ZNF70: variants seen among roughly 807,000 people sequenced by gnomAD.
The protein encoded by ZNF70 is zinc finger protein 70.
Under a neutral mutation model 37.7 loss-of-function variants are expected in ZNF70, and 18 were observed. The observed-to-expected ratio is 0.48, with a 90% CI of 0.33 to 0.71. The LOEUF (loss-of-function observed/expected upper bound fraction) is 0.71, where lower values mean the gene tolerates loss of function less well. Among genes scored for constraint, ZNF70 ranks in the 30% least tolerant of loss-of-function variants. The probability of loss-of-function intolerance (pLI) is 0.02; values close to 1 mark genes in which losing one functional copy is unlikely to be tolerated. For missense variants in ZNF70, 506 were observed against 568.6 expected, an observed-to-expected ratio of 0.89 and a Z score of 1.12; for synonymous variants, 219 against 220.1, an observed-to-expected ratio of 0.99 and a Z score of 0.05.
chr22:23,745,113 C>G lies in ZNF70; in HGVS notation c.28G>C (p.Gly10Arg), dbSNP rs554829890. 6.2e-7 allele frequency: 1 copy of G among 1,612,596 alleles called. No homozygotes were observed. Among genetic ancestry groups the G allele is most frequent in the Non-Finnish European group, 8.5e-7 (1 of 1,178,940 alleles). The change falls in exon 2 of 2, where the codon GGT becomes CGT. Residue 10 changes from glycine (G) to arginine (R), a missense_variant. Coordinates refer to ENST00000341976, the MANE Select transcript of ZNF70 (RefSeq NM_021916.4). ...CTGTTCTCAAATGCAAAGGTCTCAC[C>G]AAACTTTGTTGCTGGGGGAACCTCC... MEVPPATKFGETFAFENRLE... is the reference protein window; with the variant it reads MEVPPATKFRETFAFENRLE...
Position 23,739,533 on chromosome 22 carries a change from G to C in ZNF70, c.*4267C>G, listed in dbSNP as rs1325819916. ...GATCTCCTGACCTCATGATCTGCCC[G>C]TCTTGGCCTCCCAAAGTGCTGGGAT... is the stretch of plus-strand genomic sequence containing the variant. On this transcript the variant is annotated 3_prime_UTR_variant, in exon 2 of 2. Coordinates refer to ENST00000341976, the MANE Select transcript of ZNF70 (RefSeq NM_021916.4). The C allele has an allele frequency of 2.6e-5, 4 of 152,224 alleles. No individual in the cohort carries two copies. The highest frequency in any genetic ancestry group is 3.9e-4 in the East Asian group (2 of 5,176). The allele number at this position is 152,224 out of a possible 1,614,324, so 9.4% of individuals were successfully genotyped here. A position where few individuals can be genotyped will look rare whatever the true frequency, so the allele number is the denominator to read the frequency against.
At position 23,746,117 on chromosome 22, in the gene ZNF70, G is replaced by T. The variant is rs548278054; in HGVS notation, c.-79-898C>A. On this transcript the variant is annotated intron_variant, in intron 1 of 1. Transcript: ENST00000341976. ...GCCTCCAAACTAGCTGCTGACCTCC[G>T]GCTTCCTCCTCTCCCTCTGGTGCAT... Among the ~76,000 whole-genome samples the T allele has an allele frequency of 2.6e-5, 4 of 151,902 alleles. No individual in the cohort carries two copies. In the East Asian group the frequency reaches 7.7e-4, roughly 29 times the overall value.
chr22:23,746,178 A>G (rs1477380943), intron 1 of ZNF70, among the ~76,000 whole-genome samples: 2 of 149,276 alleles, frequency 1.3e-5, no homozygotes, highest in Non-Finnish European at 3.0e-5. Flanking sequence ...TATCCAAAAC[A>G]TAAGCCTGAT....
At chr22:23,747,213 G>A (rs1925159760) in intron 1 of ZNF70, among the ~76,000 whole-genome samples, 1 of 152,212 alleles carries the variant, frequency 6.6e-6, no homozygotes, top group South Asian at 2.1e-4. Flanking sequence ...ACAGGCACCA[G>A]TCTGTGGCCT....
chr22:23,744,910 T>C lies in ZNF70; in HGVS notation c.231A>G (p.Gln77=). 6.2e-7 allele frequency: 1 copy of C among 1,614,216 alleles called. No individual in the cohort carries two copies. Among genetic ancestry groups the C allele is most frequent in the Non-Finnish European group, 8.5e-7 (1 of 1,180,042 alleles). ...FSLCSSPVQH[Q]SIPPGTRPQD... Reference sequence around the variant, plus strand: ...GGGGTCTGGTTCCTGGGGGGATACTTTGATGCTGAACAGGGCTTGAGCACA... The same window carrying C: ...GGGGTCTGGTTCCTGGGGGGATACTCTGATGCTGAACAGGGCTTGAGCACA... The change falls in exon 2 of 2, where the codon CAA becomes CAG. Residue 77 remains glutamine (Q), a synonymous_variant. Transcript: ENST00000341976.
Position 23,744,931 on chromosome 22 carries a change from G to A in ZNF70, c.210C>T (p.Cys70=), listed in dbSNP as rs116245440. The part of the protein sequence containing the change: ...NDDYEGNFSL[C]SSPVQHQSIP... ...TACTTTGATGCTGAACAGGGCTTGA[G>A]CACAAACTGAAATTCCCCTCGTAAT... The change falls in exon 2 of 2, where the codon TGC becomes TGT. Residue 70 remains cysteine, a synonymous_variant. Transcript: ENST00000341976. 2,232 of 1,614,160 alleles carry A rather than the reference G, an allele frequency of 1.4e-3. 16 individuals are homozygous for A. The African/African-American group carries it at 0.019, about 14-fold the overall frequency.
chr22:23,743,286 A>G lies in ZNF70; in HGVS notation c.*514T>C, dbSNP rs570135183. 6.3e-6 allele frequency: 1 copy of G among 158,478 alleles called. No homozygotes were observed. The highest frequency in any genetic ancestry group is 1.4e-5 in the Non-Finnish European group (1 of 71,848). 9.8% of individuals were successfully genotyped at this position (158,478 alleles called of 1,614,324 possible). A position where few individuals can be genotyped will look rare whatever the true frequency, so the allele number is the denominator to read the frequency against. ...TTTTGGTTGTCCCCACCAATGCCCAACGCAGTGAGAAAATTCTACTTTGCT... is the reference window on the plus strand; with the variant it reads ...TTTTGGTTGTCCCCACCAATGCCCAGCGCAGTGAGAAAATTCTACTTTGCT... On this transcript the variant is annotated 3_prime_UTR_variant, in exon 2 of 2. Coordinates refer to ENST00000341976, the MANE Select transcript of ZNF70 (RefSeq NM_021916.4).
At chr22:23,745,596 C>A (rs781616517) in intron 1 of ZNF70, among the ~76,000 whole-genome samples, 1 of 152,114 alleles carries the variant, frequency 6.6e-6, no homozygotes, top group African/African-American at 2.4e-5. Context: ...TGGTGAAACC[C>A]GGTCTCCACT....
chr22:23,739,164 T>G lies in ZNF70; in HGVS notation c.*4636A>C, dbSNP rs1924800920. The G allele has an allele frequency of 6.6e-6, 1 of 152,176 alleles. No individual in the cohort carries two copies. Among genetic ancestry groups the G allele is most frequent in the South Asian group, 2.1e-4 (1 of 4,838 alleles). The allele number at this position is 152,176 out of a possible 1,614,324, so 9.4% of individuals were successfully genotyped here. A position where few individuals can be genotyped will look rare whatever the true frequency, so the allele number is the denominator to read the frequency against. ...ATTACACAAATGCTTTTATAAAAAC[T>G]GATAATATATTCAGGCCCAAAGAAG... On this transcript the variant is annotated 3_prime_UTR_variant, in exon 2 of 2. Coordinates refer to ENST00000341976, the MANE Select transcript of ZNF70 (RefSeq NM_021916.4).
chr22:23,745,641 G>A (rs1024536564), intron 1 of ZNF70, among the ~76,000 whole-genome samples: 3 of 152,018 alleles, frequency 2.0e-5, no homozygotes, highest in African/African-American at 2.4e-5. Flanking sequence ...TGTGGTGGTG[G>A]GTGCCTGTAA....
intron 1 of ZNF70, among the ~76,000 whole-genome samples, chr22:23,748,702 G>A (rs1452647360): frequency 2.0e-5 from 3 of 151,262 alleles, no homozygotes; most frequent in African/African-American, 7.3e-5. Context: ...CCGCCACCAG[G>A]CCCGGATAAT....
Position 23,741,206 on chromosome 22 carries a change from A to G in ZNF70, c.*2594T>C, listed in dbSNP as rs1924866100. Reference sequence around the variant, plus strand: ...GGGGAGGGAGAAACCAAAGATAGGTAACAGACATTTGCCAGATGATAACGG... The same window carrying G: ...GGGGAGGGAGAAACCAAAGATAGGTGACAGACATTTGCCAGATGATAACGG... On this transcript the variant is annotated 3_prime_UTR_variant, in exon 2 of 2. Coordinates refer to ENST00000341976, the MANE Select transcript of ZNF70 (RefSeq NM_021916.4). 1 of 152,278 alleles carries G rather than the reference A, an allele frequency of 6.6e-6. No homozygotes were observed. The highest frequency in any genetic ancestry group is 6.5e-5 in the Admixed American group (1 of 15,270). The allele number at this position is 152,278 out of a possible 1,614,324, so 9.4% of individuals were successfully genotyped here.
At chr22:23,746,117 G>A (rs548278054) in intron 1 of ZNF70, among the ~76,000 whole-genome samples, 12 of 152,004 alleles carry the variant, frequency 7.9e-5, no homozygotes, top group East Asian at 1.9e-4. Context: ...GCTGACCTCC[G>A]GCTTCCTCCT....
At chr22:23,750,038 T>C (rs1293697984) in intron 1 of ZNF70, among the ~76,000 whole-genome samples, 1 of 152,154 alleles carries the variant, frequency 6.6e-6, no homozygotes, top group Non-Finnish European at 1.5e-5. Context: ...TCCTCCTAAG[T>C]TGTTAAATGT....
chr22:23,740,442 T>C lies in ZNF70; in HGVS notation c.*3358A>G, dbSNP rs1924839596. 1 of 151,546 alleles carries C rather than the reference T, an allele frequency of 6.6e-6. No homozygotes were observed. Among genetic ancestry groups the C allele is most frequent in the African/African-American group, 2.4e-5 (1 of 41,230 alleles). 9.4% of individuals were successfully genotyped at this position (151,546 alleles called of 1,614,324 possible). A position where few individuals can be genotyped will look rare whatever the true frequency, so the allele number is the denominator to read the frequency against. ...ACTTTACACTGTTTGAGAATCTAAA[T>C]AGAATGAGAGAGTTTAAAAAAAAAA... is the stretch of plus-strand genomic sequence containing the variant. On this transcript the variant is annotated 3_prime_UTR_variant, in exon 2 of 2. Transcript: ENST00000341976.
chr22:23,750,041 T>C (rs1315179009), intron 1 of ZNF70, among the ~76,000 whole-genome samples: 1 of 152,180 alleles, frequency 6.6e-6, no homozygotes, highest in Non-Finnish European at 1.5e-5. Flanking sequence ...TCCTAAGTTG[T>C]TAAATGTTGC....
At chr22:23,747,966 C>G (rs528956780) in intron 1 of ZNF70, among the ~76,000 whole-genome samples, 164 of 152,246 alleles carry the variant, frequency 1.1e-3, no homozygotes, top group Non-Finnish European at 2.1e-3. Flanking sequence ...AGATGTGGCC[C>G]CTGAGGAAGC....
Position 23,743,597 on chromosome 22 carries a change from T to A in ZNF70, c.*203A>T. The A allele has an allele frequency of 1.5e-6, 1 of 648,892 alleles. No individual in the cohort carries two copies. Among genetic ancestry groups the A allele is most frequent in the Middle Eastern group, 4.4e-4 (1 of 2,260 alleles). The allele number at this position is 648,892 out of a possible 1,614,324, so 40.2% of individuals were successfully genotyped here. On this transcript the variant is annotated 3_prime_UTR_variant, in exon 2 of 2. Transcript: ENST00000341976. ...GCCCTCCCTATCACCCCACCTTCCC[T>A]TCCATGCAGAAAACCTGCTGAGAGC...
Position 23,747,708 on chromosome 22 carries a change from T to C in ZNF70, c.-79-2489A>G, listed in dbSNP as rs576446694. 2.0e-5 allele frequency among the ~76,000 whole-genome samples: 3 copies of C among 152,208 alleles called. No homozygotes were observed. The East Asian group carries it at 5.8e-4, about 29-fold the overall frequency. ...TTAGCCAGGCGTGGTGGCAGGTGCC[T>C]GTAGTCCCAGCTACTCGGGAGGCTG... On this transcript the variant is annotated intron_variant, in intron 1 of 1. Coordinates refer to ENST00000341976, the MANE Select transcript of ZNF70 (RefSeq NM_021916.4).
Sources: gnomAD v4.1 joint callset for allele counts (sites outside exome capture counted in the v4.1 genomes callset) on GRCh38, gnomAD v4.1.1 for gene constraint, MANE v1.5 for transcripts, NCBI Gene and HGNC (gene_info 2026-07-23, HGNC 2026-07-21) for gene names.